The following CLSTN2 variants were observed in gnomAD, a reference collection of about 807,000 sequenced individuals.
CLSTN2 encodes calsyntenin-2.
A neutral mutation model predicts 101.2 loss-of-function variants in CLSTN2; 48 were observed. The ratio of observed to expected loss-of-function variants is 0.47; its 90% CI spans 0.38 to 0.60. The LOEUF (loss-of-function observed/expected upper bound fraction) is 0.60, where lower values mean the gene tolerates loss of function less well. CLSTN2 is among the 20% of genes least tolerant of loss of function. The pLI is 0.00. For missense variants in CLSTN2, 1,160 were observed against 1,238.2 expected, an observed-to-expected ratio of 0.94 and a Z score of 0.95; for synonymous variants, 481 against 463.6, an observed-to-expected ratio of 1.04 and a Z score of -0.48.
chr3:140,336,799 C>T (rs907587649), intron 2 of CLSTN2, among the ~76,000 whole-genome samples: 1 of 152,180 alleles, frequency 6.6e-6, no homozygotes, highest in Non-Finnish European at 1.5e-5. Flanking sequence ...GTGGATTGTG[C>T]TGCAGAGAAC....
At chr3:140,425,904 A>C (rs2088561256) in intron 5 of CLSTN2, among the ~76,000 whole-genome samples, 1 of 152,176 alleles carries the variant, frequency 6.6e-6, no homozygotes, top group South Asian at 2.1e-4. Context: ...CTCAAAGCAT[A>C]AGCCAGACCT....
intron 1 of CLSTN2, among the ~76,000 whole-genome samples, chr3:139,971,588 A>C (rs1466400144): frequency 6.6e-6 from 1 of 152,182 alleles, no homozygotes; most frequent in African/African-American, 2.4e-5. Flanking sequence ...CCCAAGCAGG[A>C]ACAGTTGTTA....
intron 2 of CLSTN2, among the ~76,000 whole-genome samples, chr3:140,246,816 A>G (rs537555379): frequency 1.3e-5 from 2 of 152,102 alleles, no homozygotes. Context: ...GGAGCTGCTT[A>G]CATGTCAGGG....
At chr3:140,475,310 CCTAA>C (rs1352668870) in intron 8 of CLSTN2, among the ~76,000 whole-genome samples, 2 of 152,146 alleles carry the variant, frequency 1.3e-5, no homozygotes, top group Admixed American at 1.3e-4. Flanking sequence ...ATATTGCATA[CCTAA>C]CTAATAGAAA....
At chr3:140,547,429 G>A (rs1034336954) in intron 10 of CLSTN2, among the ~76,000 whole-genome samples, 3 of 151,656 alleles carry the variant, frequency 2.0e-5, no homozygotes, top group African/African-American at 4.9e-5. Flanking sequence ...AGCTAAGATC[G>A]CACCAATGCA....
chr3:140,385,054 T>C (rs1468572317), intron 2 of CLSTN2, among the ~76,000 whole-genome samples: 1 of 152,206 alleles, frequency 6.6e-6, no homozygotes, highest in Non-Finnish European at 1.5e-5. Flanking sequence ...AGTTGCTCTG[T>C]GCCTCTTTTG....
chr3:140,142,205 G>T (rs1366098932), intron 1 of CLSTN2, among the ~76,000 whole-genome samples: 2 of 152,148 alleles, frequency 1.3e-5, no homozygotes, highest in Non-Finnish European at 2.9e-5. Context: ...CTTGGCTCAT[G>T]TTGCTTCCTT....
chr3:140,099,291 G>A (rs943045370), intron 1 of CLSTN2, among the ~76,000 whole-genome samples: 7 of 152,046 alleles, frequency 4.6e-5, no homozygotes, highest in South Asian at 2.1e-4. Flanking sequence ...CTGGGTCCCC[G>A]GAAGGCTCTA....
At chr3:140,437,392 C>A (rs1244842754) in intron 5 of CLSTN2, among the ~76,000 whole-genome samples, 2 of 152,196 alleles carry the variant, frequency 1.3e-5, no homozygotes, top group East Asian at 3.8e-4. Context: ...GAATCTTCCA[C>A]CCTTGGTGAG....
chr3:140,038,393 GT>G (rs973880063), intron 1 of CLSTN2, among the ~76,000 whole-genome samples: 5 of 151,992 alleles, frequency 3.3e-5, no homozygotes, highest in Admixed American at 2.0e-4. Context: ...TAATGGGGTG[GT>G]TTTTTTCTTG....
At chr3:140,135,709 G>A (rs2350276) in intron 1 of CLSTN2, among the ~76,000 whole-genome samples, 134,935 of 152,188 alleles carry the variant, frequency 0.89, 60,013 homozygotes, top group African/African-American at 0.95. Flanking sequence ...AGGGACACTA[G>A]TCTGGTGGAA....
At position 140,379,538 on chromosome 3, in the gene CLSTN2, C is replaced by CAGAGT. The variant is rs149048554; in HGVS notation, c.233-24088_233-24084dup. Among the ~76,000 whole-genome samples the CAGAGT allele has an allele frequency of 7.8e-3, 1,184 of 152,298 alleles. 12 individuals carry two copies. Among genetic ancestry groups the CAGAGT allele is most frequent in the Middle Eastern group, 0.024 (7 of 294 alleles). On this transcript the variant is annotated intron_variant, in intron 2 of 16. Transcript: ENST00000458420. ...GCTTCATTTCCTAGGAGGTTGACAT[C>CAGAGT]AGAGTAGTGGAGTGCTGAAGATGCA...
At chr3:140,342,542 A>T (rs1427437416) in intron 2 of CLSTN2, among the ~76,000 whole-genome samples, 1 of 152,124 alleles carries the variant, frequency 6.6e-6, no homozygotes, top group East Asian at 1.9e-4. Context: ...GACTAGGGAG[A>T]CAGCCCCCTC....
intron 6 of CLSTN2, among the ~76,000 whole-genome samples, chr3:140,452,258 G>A (rs367547501): frequency 3.9e-5 from 6 of 151,912 alleles, no homozygotes; most frequent in Non-Finnish European, 8.8e-5. Context: ...AGCACATTTC[G>A]CCCTGATGTT....
intron 1 of CLSTN2, among the ~76,000 whole-genome samples, chr3:139,945,243 C>G (rs1158872166): frequency 6.6e-6 from 1 of 152,190 alleles, no homozygotes; most frequent in Admixed American, 6.5e-5. Context: ...CCTAGATCCA[C>G]TGATGAGTTG....
rs188168172 is a variant in CLSTN2 at position 140,225,537 on chromosome 3, G to A, written c.232+49464G>A. On this transcript the variant is annotated intron_variant, in intron 2 of 16. Transcript: ENST00000458420. ...TTTGAGATGGAGTTTTGCTCTTGTCGCCCAGGCTGGAGTACAGTGGCGCGA... is the reference window on the plus strand; with the variant it reads ...TTTGAGATGGAGTTTTGCTCTTGTCACCCAGGCTGGAGTACAGTGGCGCGA... Among the ~76,000 whole-genome samples, 59 of 152,050 alleles carry A rather than the reference G, an allele frequency of 3.9e-4. No homozygotes were observed. The East Asian group carries it at 4.5e-3, about 11-fold the overall frequency.
chr3:139,998,336 C>CTTTTTTTTTTTTTTTTTTTTTTTTTTT lies in CLSTN2; in HGVS notation c.109+62873_109+62874insTTTTTTTTTTTTTTTTTTTTTTTTTTT, dbSNP rs60541490. On this transcript the variant is annotated intron_variant, in intron 1 of 16. Transcript: ENST00000458420. The stretch of plus-strand genomic sequence containing the variant: ...ATGGGATAATAGTTCCCCCACATGC[C>CTTTTTTTTTTTTTTTTTTTTTTTTTTT]TTTTTTTTTTTTTTTTTTTTGTGAC... Among the ~76,000 whole-genome samples, 28 of 66,812 alleles carry CTTTTTTTTTTTTTTTTTTTTTTTTTTT rather than the reference C, an allele frequency of 4.2e-4. 2 individuals are homozygous for CTTTTTTTTTTTTTTTTTTTTTTTTTTT. Among genetic ancestry groups the CTTTTTTTTTTTTTTTTTTTTTTTTTTT allele is most frequent in the South Asian group, 7.3e-4 (1 of 1,364 alleles). The allele number at this position is 66,812 out of a possible 152,430, so 43.8% of individuals were successfully genotyped here. A position where few individuals can be genotyped will look rare whatever the true frequency, so the allele number is the denominator to read the frequency against.
intron 1 of CLSTN2, among the ~76,000 whole-genome samples, chr3:140,017,831 G>A (rs1175018980): frequency 2.6e-5 from 4 of 152,254 alleles, no homozygotes; most frequent in South Asian, 4.1e-4. Context: ...ACCTGCAAAT[G>A]TGTAGGCCAG....
chr3:140,190,424 C>G (rs1240442340), intron 2 of CLSTN2, among the ~76,000 whole-genome samples: 1 of 134,784 alleles, frequency 7.4e-6, no homozygotes, highest in Non-Finnish European at 1.5e-5. Context: ...TTAGGATAAC[C>G]TCATCTATAG....
Sources: gnomAD v4.1 joint callset for allele counts (sites outside exome capture counted in the v4.1 genomes callset) on GRCh38, gnomAD v4.1.1 for gene constraint, MANE v1.5 for transcripts, NCBI Gene and HGNC (gene_info 2026-07-23, HGNC 2026-07-21) for gene names.